The following MLLT3 variants were observed in gnomAD, a reference collection of about 807,000 sequenced individuals.
MLLT3 encodes the protein protein AF-9.
Under a neutral mutation model 53.2 loss-of-function variants are expected in MLLT3, and 4 were observed. The observed-to-expected ratio is 0.08, with a 90% CI of 0.04 to 0.17. The LOEUF (loss-of-function observed/expected upper bound fraction) is 0.17. Among genes scored for constraint, MLLT3 ranks in the 10% least tolerant of loss-of-function variants. MLLT3 has a pLI of 1.00. For missense variants in MLLT3, 569 were observed against 684.0 expected, an observed-to-expected ratio of 0.83 and a Z score of 1.87; for synonymous variants, 283 against 230.6, an observed-to-expected ratio of 1.23 and a Z score of -2.06.
chr9:20,384,325 T>C (rs1821976489), intron 5 of MLLT3, among the ~76,000 whole-genome samples: 1 of 152,026 alleles, frequency 6.6e-6, no homozygotes, highest in African/African-American at 2.4e-5. Context: ...TCTGACAAAT[T>C]AAGATTGTAA....
intron 2 of MLLT3, among the ~76,000 whole-genome samples, chr9:20,485,842 T>C (rs1824798776): frequency 1.3e-5 from 2 of 152,196 alleles, no homozygotes; most frequent in Admixed American, 1.3e-4. Flanking sequence ...AGAAGCAAAT[T>C]GGGGAATAAG....
chr9:20,451,478 G>A (rs1048720791), intron 3 of MLLT3, among the ~76,000 whole-genome samples: 2 of 151,954 alleles, frequency 1.3e-5, no homozygotes, highest in African/African-American at 4.8e-5. Context: ...TAAAACCAAT[G>A]GTAAGCACCA....
Position 20,620,913 on chromosome 9 carries a change from T to C in MLLT3, c.13-79A>G. The C allele has an allele frequency of 6.7e-7, 1 of 1,500,204 alleles. No homozygotes were observed. Among genetic ancestry groups the C allele is most frequent in the Non-Finnish European group, 9.2e-7 (1 of 1,084,184 alleles). The allele number at this position is 1,500,204 out of a possible 1,614,324, so 92.9% of individuals were successfully genotyped here. ...GCAGTGAACGTTGCGCCTGACATTT[T>C]TTTCCTCCTTCTTGAAACGCACATA... On this transcript the variant is annotated intron_variant, in intron 1 of 10. Transcript: ENST00000380338. This position sits in a 1 kb window ranked among gnomAD's most constrained non-coding sequence, Gnocchi z 6.1.
At chr9:20,424,635 G>C (rs1823097656) in intron 4 of MLLT3, among the ~76,000 whole-genome samples, 1 of 152,026 alleles carries the variant, frequency 6.6e-6, no homozygotes, top group Non-Finnish European at 1.5e-5. Flanking sequence ...AAAACCAAAA[G>C]CTACAAAAAT....
chr9:20,359,690 A>G (rs1821268853), intron 8 of MLLT3, among the ~76,000 whole-genome samples: 1 of 152,256 alleles, frequency 6.6e-6, no homozygotes, highest in South Asian at 2.1e-4. Flanking sequence ...ACATTTTCCA[A>G]GTAACACAAA....
intron 2 of MLLT3, chr9:20,533,280 G>A: frequency 3.1e-6 from 1 of 324,130 alleles, no homozygotes. Flanking sequence ...CTAGACTGTG[G>A]CTCACATTGC....
intron 2 of MLLT3, among the ~76,000 whole-genome samples, chr9:20,531,728 C>T (rs1176675067): frequency 1.3e-5 from 2 of 152,094 alleles, no homozygotes; most frequent in Non-Finnish European, 2.9e-5. Context: ...GATTCCCTGC[C>T]ATTTTCAAAA....
chr9:20,549,885 G>C (rs1818885333), intron 2 of MLLT3, among the ~76,000 whole-genome samples: 1 of 152,198 alleles, frequency 6.6e-6, no homozygotes. Context: ...AGAAAATCTA[G>C]TTCCAAAATG....
At chr9:20,538,112 T>C (rs529294841) in intron 2 of MLLT3, among the ~76,000 whole-genome samples, 3 of 152,336 alleles carry the variant, frequency 2.0e-5, no homozygotes, top group Admixed American at 6.5e-5. Context: ...GTGTTCATTA[T>C]TGCTGATGGA....
Position 20,341,865 on chromosome 9 carries a change from ATAGC to A in MLLT3, c.*4574_*4577del, listed in dbSNP as rs1422803861. 4.9e-6 allele frequency: 1 copy of A among 204,870 alleles called. No homozygotes were observed. Among genetic ancestry groups the A allele is most frequent in the Non-Finnish European group, 1.0e-5 (1 of 100,268 alleles). The allele number at this position is 204,870 out of a possible 1,614,324, so 12.7% of individuals were successfully genotyped here. On this transcript the variant is annotated 3_prime_UTR_variant, in exon 11 of 11. Coordinates refer to ENST00000380338, the MANE Select transcript of MLLT3 (RefSeq NM_004529.4). ...GGGAAAGAAAAAATACCGGGCACACATAGCCCAGTTTATGCCAAAAAATGTATCC... is the reference window on the plus strand; with the variant it reads ...GGGAAAGAAAAAATACCGGGCACACACCAGTTTATGCCAAAAAATGTATCC...
At chr9:20,458,729 G>T (rs1368032415) in intron 2 of MLLT3, among the ~76,000 whole-genome samples, 7 of 152,198 alleles carry the variant, frequency 4.6e-5, no homozygotes, top group East Asian at 1.9e-4. Flanking sequence ...CTCCAGAACT[G>T]TGAGAAATCC....
intron 10 of MLLT3, among the ~76,000 whole-genome samples, chr9:20,346,917 A>C (rs1028131115): frequency 1.3e-5 from 2 of 152,088 alleles, no homozygotes; most frequent in Non-Finnish European, 2.9e-5. Flanking sequence ...GACTCAATAG[A>C]CAGTGATTAT....
intron 5 of MLLT3, among the ~76,000 whole-genome samples, chr9:20,372,385 T>C (rs1004542660): frequency 1.3e-5 from 2 of 151,850 alleles, no homozygotes; most frequent in Non-Finnish European, 2.9e-5. Context: ...GCAAACTGCA[T>C]TGTCTTATTT....
intron 4 of MLLT3, among the ~76,000 whole-genome samples, chr9:20,436,529 T>G (rs570529210): frequency 8.5e-5 from 13 of 152,324 alleles, no homozygotes; most frequent in African/African-American, 3.1e-4. Flanking sequence ...ATTGCTCCAT[T>G]GGTCCTAATG....
chr9:20,445,814 G>T (rs1001250482), intron 4 of MLLT3, among the ~76,000 whole-genome samples: 5 of 152,048 alleles, frequency 3.3e-5, no homozygotes, highest in African/African-American at 9.7e-5. Flanking sequence ...TAAGTATGAG[G>T]AGGAAAGTAT....
In MLLT3 at chr9:20,621,623, G is replaced by A. The variant is rs768621690; in HGVS notation, c.12+622C>T. ...TATCTCCCACCTCCCCCCAAAAAATGAAATTCAGAAAGGCAGGGCGGCGGG... is the reference window on the plus strand; with the variant it reads ...TATCTCCCACCTCCCCCCAAAAAATAAAATTCAGAAAGGCAGGGCGGCGGG... On this transcript the variant is annotated intron_variant, in intron 1 of 10. Coordinates refer to ENST00000380338, the MANE Select transcript of MLLT3 (RefSeq NM_004529.4). This position sits in a 1 kb window ranked among gnomAD's most constrained non-coding sequence, Gnocchi z 7.0. The A allele has an allele frequency of 2.7e-6, 2 of 741,726 alleles. No homozygotes were observed. Among genetic ancestry groups the A allele is most frequent in the Non-Finnish European group, 4.0e-6 (2 of 494,522 alleles). 45.9% of individuals were successfully genotyped at this position (741,726 alleles called of 1,614,324 possible).
At chr9:20,473,105 C>G (rs565062828) in intron 2 of MLLT3, among the ~76,000 whole-genome samples, 2 of 152,146 alleles carry the variant, frequency 1.3e-5, no homozygotes, top group African/African-American at 4.8e-5. Flanking sequence ...CTAAATCTTC[C>G]AGGAGATTCC....
At position 20,620,355 on chromosome 9, in the gene MLLT3, G is replaced by C. The variant is rs773792292; in HGVS notation, c.193+299C>G. 6.6e-6 allele frequency among the ~76,000 whole-genome samples: 1 copy of C among 150,896 alleles called. No homozygotes were observed. The highest frequency in any genetic ancestry group is 1.5e-5 in the Non-Finnish European group (1 of 67,832). On this transcript the variant is annotated intron_variant, in intron 2 of 10. Transcript: ENST00000380338. This position sits in a 1 kb window ranked among gnomAD's most constrained non-coding sequence, Gnocchi z 6.1. ...ACATCTCCAAACTCAACAACTAATT[G>C]CACCTTCCCCACAGAACCCGCGGCT...
intron 2 of MLLT3, among the ~76,000 whole-genome samples, chr9:20,466,392 A>C (rs1302640460): frequency 1.3e-5 from 2 of 152,214 alleles, no homozygotes; most frequent in Non-Finnish European, 2.9e-5. Context: ...GCCATGGCTA[A>C]AACAAAATCT....
Sources: gnomAD v4.1 joint callset for allele counts (sites outside exome capture counted in the v4.1 genomes callset) on GRCh38, gnomAD v4.1.1 for gene constraint, Gnocchi (gnomAD v3.1) non-coding constraint, MANE v1.5 for transcripts, NCBI Gene and HGNC (gene_info 2026-07-23, HGNC 2026-07-21) for gene names.